The following LRRFIP1 variants were observed in gnomAD, a reference collection of about 807,000 sequenced individuals.
The protein encoded by LRRFIP1 is LRR binding FLII interacting protein 1.
A neutral mutation model predicts 104.4 loss-of-function variants in LRRFIP1; 62 were observed. The ratio of observed to expected loss-of-function variants is 0.59; its 90% CI spans 0.48 to 0.73. LRRFIP1 has a LOEUF of 0.73. Among genes scored for constraint, LRRFIP1 ranks in the 30% least tolerant of loss-of-function variants. The pLI, the probability that LRRFIP1 is intolerant of heterozygous loss-of-function variation, is 0.00. For synonymous variants in LRRFIP1, 300 were observed against 299.0 expected, an observed-to-expected ratio of 1.00 and a Z score of -0.03; for missense variants, 796 against 824.5, an observed-to-expected ratio of 0.97 and a Z score of 0.42.
intron 1 of LRRFIP1, among the ~76,000 whole-genome samples, chr2:237,630,982 A>G (rs1377254310): frequency 6.6e-6 from 1 of 152,208 alleles, no homozygotes; most frequent in Non-Finnish European, 1.5e-5. Context: ...CTCCTGCACC[A>G]AGCTCTTTGA....
At chr2:237,658,575 T>C (rs1389315089) in intron 1 of LRRFIP1, among the ~76,000 whole-genome samples, 1 of 152,042 alleles carries the variant, frequency 6.6e-6, no homozygotes, top group African/African-American at 2.4e-5. Flanking sequence ...AGGAAAGAGG[T>C]TTAATTGACT....
chr2:237,781,324 G>A lies in LRRFIP1; in HGVS notation c.*1792G>A, dbSNP rs1047399722. ...ATATTTTCACTCATTTCATTTGCAC[G>A]GAAATTCTATGAGGTAGATGCTGTT... On this transcript the variant is annotated 3_prime_UTR_variant, in exon 24 of 24. Transcript: ENST00000308482. Among the ~76,000 whole-genome samples the A allele has an allele frequency of 1.1e-4, 17 of 152,224 alleles. No homozygotes were observed. The highest frequency in any genetic ancestry group is 4.2e-4 in the South Asian group (2 of 4,818).
chr2:237,698,689 CAGTT>C (rs146255763), intron 1 of LRRFIP1, among the ~76,000 whole-genome samples: 207 of 152,326 alleles, frequency 1.4e-3, no homozygotes, highest in African/African-American at 4.8e-3. Flanking sequence ...TTTAAGTAAT[CAGTT>C]AGGCTTTGAT....
At position 237,749,187 on chromosome 2, in the gene LRRFIP1, T is replaced by A. The variant is rs764376713; in HGVS notation, c.670-12T>A. 6.2e-7 allele frequency: 1 copy of A among 1,611,882 alleles called. No individual in the cohort carries two copies. The highest frequency in any genetic ancestry group is 1.7e-5 in the Admixed American group (1 of 59,740). On this transcript the variant is annotated splice_polypyrimidine_tract_variant and intron_variant, in intron 12 of 23. Transcript: ENST00000308482. Reference sequence around the variant, plus strand: ...TAAACCATATCAGCATGTGATCCTCTCAACGTTCCAGGGGTCTCGTAACAT... The same window carrying A: ...TAAACCATATCAGCATGTGATCCTCACAACGTTCCAGGGGTCTCGTAACAT...
chr2:237,692,172 C>G, intron 1 of LRRFIP1: 2 of 1,019,182 alleles, frequency 2.0e-6, no homozygotes, highest in Non-Finnish European at 2.3e-6. Flanking sequence ...GGCCGTGGGA[C>G]GGGCGGAGGC....
At chr2:237,655,102 C>CTTTTTTTTTT (rs1170742860) in intron 1 of LRRFIP1, among the ~76,000 whole-genome samples, 2 of 58,244 alleles carry the variant, frequency 3.4e-5, no homozygotes, top group African/African-American at 7.8e-5. Flanking sequence ...GATCTCACTT[C>CTTTTTTTTTT]TTTTTTTTTT....
chr2:237,775,694 CG>C (rs2150939135), intron 23 of LRRFIP1, among the ~76,000 whole-genome samples: 1 of 152,068 alleles, frequency 6.6e-6, no homozygotes, highest in East Asian at 2.0e-4. Flanking sequence ...ACTAATTAGC[CG>C]GGTGCGGTGG....
chr2:237,762,775 C>T, intron 19 of LRRFIP1: 5 of 1,614,246 alleles, frequency 3.1e-6, no homozygotes, highest in Non-Finnish European at 4.2e-6. Flanking sequence ...CCTCTGAAGA[C>T]ACTGCCCCAT....
At chr2:237,692,281 C>T in intron 1 of LRRFIP1, 2 of 1,177,914 alleles carry the variant, frequency 1.7e-6, no homozygotes, top group Non-Finnish European at 2.1e-6. Context: ...AGCCCAGCGC[C>T]GCGAGCCGCT....
chr2:237,651,027 C>T (rs908246669), intron 1 of LRRFIP1, among the ~76,000 whole-genome samples: 1 of 152,200 alleles, frequency 6.6e-6, no homozygotes, highest in African/African-American at 2.4e-5. Context: ...GGCTTATTCA[C>T]AGCCCCTAAG....
At chr2:237,761,220 T>C (rs2059831448) in intron 19 of LRRFIP1, among the ~76,000 whole-genome samples, 1 of 152,228 alleles carries the variant, frequency 6.6e-6, no homozygotes, top group Admixed American at 6.5e-5. Flanking sequence ...ACACAGCTCT[T>C]TTCAATTGTG....
At position 237,779,637 on chromosome 2, in the gene LRRFIP1, G is replaced by A. The variant is rs1295809100; in HGVS notation, c.*105G>A. 2.0e-6 allele frequency: 2 copies of A among 1,021,718 alleles called. No individual in the cohort carries two copies. Among genetic ancestry groups the A allele is most frequent in the African/African-American group, 1.6e-5 (1 of 61,872 alleles). 63.3% of individuals were successfully genotyped at this position (1,021,718 alleles called of 1,614,324 possible). ...CTGCTTCTTCCCCTGCCTTCCGAGA[G>A]ACGAAGACCGTGGCGAGCTTGGCGC... On this transcript the variant is annotated 3_prime_UTR_variant, in exon 24 of 24. Coordinates refer to ENST00000308482, the MANE Select transcript of LRRFIP1 (RefSeq NM_001137550.2).
At chr2:237,714,878 A>G (rs2094262540) in intron 3 of LRRFIP1, among the ~76,000 whole-genome samples, 1 of 152,258 alleles carries the variant, frequency 6.6e-6, no homozygotes, top group Non-Finnish European at 1.5e-5. Context: ...CAGTGATTCA[A>G]GATCTAGCAA....
intron 9 of LRRFIP1, among the ~76,000 whole-genome samples, chr2:237,734,273 CTTTTTTTT>C (rs71870330): frequency 3.3e-5 from 3 of 90,218 alleles, no homozygotes; most frequent in African/African-American, 1.1e-4. Context: ...TGTTAATAAC[CTTTTTTTT>C]TTTTTTTTTT....
chr2:237,689,093 C>T (rs1376059831), intron 1 of LRRFIP1, among the ~76,000 whole-genome samples: 2 of 151,518 alleles, frequency 1.3e-5, no homozygotes, highest in South Asian at 2.1e-4. Context: ...GGGACTACCT[C>T]AGAAGGGGGC....
chr2:237,681,644 GGT>G (rs1347319800), intron 1 of LRRFIP1, among the ~76,000 whole-genome samples: 1 of 146,910 alleles, frequency 6.8e-6, no homozygotes, highest in Non-Finnish European at 1.5e-5. Flanking sequence ...TGGGATTACA[GGT>G]GTGAGCCACC....
chr2:237,649,482 G>C lies in LRRFIP1; in HGVS notation c.96+21742G>C, dbSNP rs912115320. Among the ~76,000 whole-genome samples the C allele has an allele frequency of 6.6e-6, 1 of 152,040 alleles. No individual in the cohort carries two copies. Among genetic ancestry groups the C allele is most frequent in the African/African-American group, 2.4e-5 (1 of 41,448 alleles). On this transcript the variant is annotated intron_variant, in intron 1 of 23. Coordinates refer to ENST00000308482, the MANE Select transcript of LRRFIP1 (RefSeq NM_001137550.2). The surrounding 1 kb of genome is among the most constrained non-coding windows in gnomAD (Gnocchi z 4.1). The stretch of plus-strand genomic sequence containing the variant: ...GGACGTGGAGGCTGCAGTGAGCCAA[G>C]ATTGTGCCATTGCACTCCAGCCTGG...
chr2:237,729,713 T>C (rs991719304), intron 8 of LRRFIP1: 5 of 756,310 alleles, frequency 6.6e-6, no homozygotes, highest in African/African-American at 5.7e-5. Flanking sequence ...TTGAATGGGA[T>C]GGGGGTGCTT....
intron 19 of LRRFIP1, chr2:237,762,910 C>A (rs758423921): frequency 1.2e-6 from 2 of 1,614,186 alleles, no homozygotes; most frequent in Non-Finnish European, 1.7e-6. Context: ...CACCAGATGA[C>A]AGGACCAGAA....
Sources: gnomAD v4.1 joint callset for allele counts (sites outside exome capture counted in the v4.1 genomes callset) on GRCh38, gnomAD v4.1.1 for gene constraint, Gnocchi (gnomAD v3.1) non-coding constraint, MANE v1.5 for transcripts, NCBI Gene and HGNC (gene_info 2026-07-23, HGNC 2026-07-21) for gene names.